SNTG1: variants seen among roughly 807,000 people sequenced by gnomAD.
The protein encoded by SNTG1 is gamma-1-syntrophin.
SNTG1 carries 39 observed loss-of-function variants against 74.7 expected under a neutral mutation model. The observed-to-expected ratio is 0.52, with a 90% CI of 0.40 to 0.68. The LOEUF is 0.68. SNTG1 is among the 30% of genes least tolerant of loss of function. The pLI, the probability that SNTG1 is intolerant of heterozygous loss-of-function variation, is 0.00. For synonymous variants in SNTG1, 254 were observed against 217.1 expected, an observed-to-expected ratio of 1.17 and a Z score of -1.49; for missense variants, 685 against 609.5, an observed-to-expected ratio of 1.12 and a Z score of -1.30.
chr8:50,760,087 T>C (rs1430449550), intron 18 of SNTG1, among the ~76,000 whole-genome samples: 5 of 152,118 alleles, frequency 3.3e-5, no homozygotes, highest in Admixed American at 3.3e-4. Flanking sequence ...TGCCTAGTTG[T>C]TTTATTTTCT....
intron 10 of SNTG1, among the ~76,000 whole-genome samples, chr8:50,535,754 T>C (rs1436196994): frequency 2.0e-5 from 3 of 152,220 alleles, no homozygotes; most frequent in Admixed American, 6.5e-5. Flanking sequence ...CTGAGAGTAA[T>C]GCTTAATAAT....
intron 4 of SNTG1, among the ~76,000 whole-genome samples, chr8:50,425,509 G>A (rs2093152251): frequency 6.6e-6 from 1 of 152,054 alleles, no homozygotes; most frequent in Admixed American, 6.6e-5. Context: ...GGCTCTCACT[G>A]ATTCTACATT....
chr8:50,481,034 A>T (rs1268017139), intron 8 of SNTG1, among the ~76,000 whole-genome samples: 1 of 152,200 alleles, frequency 6.6e-6, no homozygotes, highest in Non-Finnish European at 1.5e-5. Flanking sequence ...TTTATCATTT[A>T]AGGTGGCAGC....
Position 50,449,030 on chromosome 8 carries a change from C to CTGT in SNTG1, c.220-638_220-637insTGT, listed in dbSNP as rs1178798547. ...GCAACAGAGCGAGTCTCCTCCGTCT[C>CTGT]AAAAAATAAAATAAATAAATACATA... On this transcript the variant is annotated intron_variant, in intron 5 of 18. Coordinates refer to ENST00000642720, the MANE Select transcript of SNTG1 (RefSeq NM_018967.5). Among the ~76,000 whole-genome samples, 202 of 151,648 alleles carry CTGT rather than the reference C, an allele frequency of 1.3e-3. 1 individual carries two copies. The highest frequency in any genetic ancestry group is 4.7e-3 in the African/African-American group (194 of 41,310).
At chr8:50,384,208 G>C (rs963106220) in intron 2 of SNTG1, among the ~76,000 whole-genome samples, 2 of 152,114 alleles carry the variant, frequency 1.3e-5, no homozygotes, top group Admixed American at 6.5e-5. Context: ...GTTTTCAAAA[G>C]GCCATTGCAC....
At position 50,622,471 on chromosome 8, in the gene SNTG1, A is replaced by G. The variant is rs1346055191; in HGVS notation, c.849+31554A>G. On this transcript the variant is annotated intron_variant, in intron 13 of 18. Transcript: ENST00000642720. ...TTTAGGGAAAATAGTGTTTGAATGT[A>G]TGATATGTATTTTGTCCTTGGGAAG... 2.6e-5 allele frequency among the ~76,000 whole-genome samples: 4 copies of G among 152,278 alleles called. No homozygotes were observed. In the East Asian group the frequency reaches 7.7e-4, roughly 29 times the overall value.
chr8:50,231,865 C>T (rs1289894010), intron 2 of SNTG1, among the ~76,000 whole-genome samples: 1 of 151,250 alleles, frequency 6.6e-6, no homozygotes, highest in Non-Finnish European at 1.5e-5. Flanking sequence ...GAGTAAATTT[C>T]TCATGGTCTC....
In SNTG1 at chr8:50,397,726, C is replaced by T. The variant is rs191595550; in HGVS notation, c.27+3461C>T. On this transcript the variant is annotated intron_variant, in intron 3 of 18. Coordinates refer to ENST00000642720, the MANE Select transcript of SNTG1 (RefSeq NM_018967.5). ...CAGTGAAAGATGCCAATAGCCATGT[C>T]ATTGTATACAGGACAACTGGGGGTG... 3.6e-3 allele frequency among the ~76,000 whole-genome samples: 552 copies of T among 152,254 alleles called. 5 individuals carry two copies. Among genetic ancestry groups the T allele is most frequent in the Non-Finnish European group, 3.6e-3 (246 of 68,012 alleles).
At chr8:50,223,665 A>T (rs1375352783) in intron 2 of SNTG1, among the ~76,000 whole-genome samples, 1 of 152,150 alleles carries the variant, frequency 6.6e-6, no homozygotes, top group Non-Finnish European at 1.5e-5. Context: ...AATAAAATAC[A>T]GAAAATATAT....
At chr8:50,687,625 G>A (rs148316373) in intron 15 of SNTG1, among the ~76,000 whole-genome samples, 16 of 152,264 alleles carry the variant, frequency 1.1e-4, no homozygotes, top group South Asian at 2.1e-4. Context: ...CAACGTGCAC[G>A]TTTGTTACAT....
intron 1 of SNTG1, among the ~76,000 whole-genome samples, chr8:50,073,500 A>G (rs1048336678): frequency 6.6e-6 from 1 of 152,162 alleles, no homozygotes; most frequent in African/African-American, 2.4e-5. Flanking sequence ...CAAACTCCTG[A>G]CATTGTTGAA....
intron 17 of SNTG1, among the ~76,000 whole-genome samples, chr8:50,724,784 A>T (rs2095496083): frequency 6.6e-6 from 1 of 152,186 alleles, no homozygotes; most frequent in Non-Finnish European, 1.5e-5. Context: ...ATATATTCAT[A>T]TTATCAGTGT....
intron 18 of SNTG1, among the ~76,000 whole-genome samples, chr8:50,754,943 G>A (rs1563809954): frequency 1.3e-5 from 2 of 151,320 alleles, no homozygotes; most frequent in South Asian, 4.2e-4. Flanking sequence ...TTTTTAAATA[G>A]ACTTTAGTTT....
intron 10 of SNTG1, 112 bp from the exon 11 acceptor site, chr8:50,536,566 T>C (rs2094308595): frequency 7.7e-7 from 1 of 1,291,422 alleles, no homozygotes; most frequent in South Asian, 1.5e-5. Context: ...TCCATTAAAG[T>C]CTTTTGATCA....
chr8:50,031,778 C>T (rs549449296), intron 1 of SNTG1, among the ~76,000 whole-genome samples: 6 of 151,870 alleles, frequency 4.0e-5, no homozygotes, highest in South Asian at 2.1e-4. Context: ...TAATATTGTC[C>T]GAAGTTTGTA....
chr8:50,137,894 C>G (rs2081527569), intron 1 of SNTG1, among the ~76,000 whole-genome samples: 1 of 152,092 alleles, frequency 6.6e-6, no homozygotes, highest in Non-Finnish European at 1.5e-5. Flanking sequence ...TGGAGTGACT[C>G]CTCAAGACAG....
intron 1 of SNTG1, among the ~76,000 whole-genome samples, chr8:50,036,167 T>C (rs1348481273): frequency 6.6e-6 from 1 of 152,198 alleles, no homozygotes; most frequent in Non-Finnish European, 1.5e-5. Flanking sequence ...ATGCATTGAA[T>C]GTGTTTCATT....
In SNTG1 at chr8:50,359,535, C is replaced by T. The variant is rs2091905187; in HGVS notation, c.-27-34677C>T. Among the ~76,000 whole-genome samples, 3 of 152,230 alleles carry T rather than the reference C, an allele frequency of 2.0e-5. No homozygotes were observed. The South Asian group carries it at 6.2e-4, about 32-fold the overall frequency. On this transcript the variant is annotated intron_variant, in intron 2 of 18. Transcript: ENST00000642720. ...TTGTTCCCAATGTGATAATATTTTT[C>T]AATAAAATTTGCTTTGAGCAAGTTT... is the stretch of plus-strand genomic sequence containing the variant.
rs76074496 is a variant in SNTG1 at position 50,300,262 on chromosome 8, G to A, written c.-27-93950G>A. Among the ~76,000 whole-genome samples the A allele has an allele frequency of 2.9e-4, 44 of 152,146 alleles. No homozygotes were observed. The East Asian group carries it at 7.0e-3, about 24-fold the overall frequency. On this transcript the variant is annotated intron_variant, in intron 2 of 18. Coordinates refer to ENST00000642720, the MANE Select transcript of SNTG1 (RefSeq NM_018967.5). ...CACCAGTTTGTATACTTATTTGTTTGCATCCTTCATGAAGACTTTTGTTAG... is the reference window on the plus strand; with the variant it reads ...CACCAGTTTGTATACTTATTTGTTTACATCCTTCATGAAGACTTTTGTTAG...
Sources: allele counts gnomAD v4.1 joint callset (sites outside exome capture counted in the v4.1 genomes callset), GRCh38; gene constraint gnomAD v4.1.1; transcripts MANE v1.5; gene names NCBI Gene and HGNC (gene_info 2026-07-23, HGNC 2026-07-21).